PCDHGA7: variants seen among roughly 807,000 people sequenced by gnomAD.
The protein encoded by PCDHGA7 is protocadherin gamma subfamily A, 7.
In PCDHGA7, 44 loss-of-function variants were observed where a neutral mutation model predicts 58.3. That is an observed-to-expected ratio of 0.75 (90% CI 0.59 to 0.97). PCDHGA7 has a LOEUF of 0.97. Ranked by LOEUF, PCDHGA7 falls within the 50% of genes least tolerant of loss-of-function variation. The pLI is 0.00. For missense variants in PCDHGA7, 1,266 were observed against 1,188.7 expected (o/e 1.06, Z -0.96); for synonymous variants, 516 against 504.2 (o/e 1.02, Z -0.31).
Position 141,438,021 on chromosome 5 carries a change from G to T in PCDHGA7, c.2424+52698G>T, listed in dbSNP as rs112167613. ...CTCCCAAATAGCTGAGATTACAGGT[G>T]TGAGCCACCATGCCCGACCACTTTG... On this transcript the variant is annotated intron_variant, in intron 1 of 3. Transcript: ENST00000518325. Among the ~76,000 whole-genome samples the T allele has an allele frequency of 1.6e-3, 250 of 152,256 alleles. 2 individuals are homozygous for T. Among genetic ancestry groups the T allele is most frequent in the African/African-American group, 5.3e-3 (221 of 41,544 alleles).
chr5:141,421,031 T>A, intron 1 of PCDHGA7: 1 of 529,760 alleles, frequency 1.9e-6, no homozygotes, highest in Non-Finnish European at 3.3e-6. Context: ...CGCCATTGAG[T>A]CCCTCCCTCC....
At chr5:141,402,910 G>A in intron 1 of PCDHGA7, 2 of 1,549,722 alleles carry the variant, frequency 1.3e-6, no homozygotes, top group Non-Finnish European at 1.7e-6. Context: ...ATGAAGCAGC[G>A]CGCACAGAGA....
At chr5:141,423,463 G>T (rs772779471) in intron 1 of PCDHGA7, 22 of 1,613,992 alleles carry the variant, frequency 1.4e-5, no homozygotes, top group Non-Finnish European at 1.8e-5. Context: ...AGGCGTGGAC[G>T]GGGTACAGGC....
At chr5:141,389,061 T>C in intron 1 of PCDHGA7, 1 of 1,614,022 alleles carries the variant, frequency 6.2e-7, no homozygotes, top group Non-Finnish European at 8.5e-7. Context: ...ATTTAAAATA[T>C]TAACTTCTTC....
chr5:141,486,444 T>G lies in PCDHGA7; in HGVS notation c.2425-8363T>G. 1 of 1,614,086 alleles carries G rather than the reference T, an allele frequency of 6.2e-7. No homozygotes were observed. Among genetic ancestry groups the G allele is most frequent in the Non-Finnish European group, 8.5e-7 (1 of 1,179,930 alleles). ...GAGGCCAAATCTAGCTATGACATCA[T>G]GGTCACTGCTTCTGATGCTGGGAAC... On this transcript the variant is annotated intron_variant, in intron 1 of 3. Coordinates refer to ENST00000518325, the MANE Select transcript of PCDHGA7 (RefSeq NM_018920.4). The surrounding 1 kb of genome is among the most constrained non-coding windows in gnomAD (Gnocchi z 5.0).
intron 1 of PCDHGA7, among the ~76,000 whole-genome samples, chr5:141,449,041 C>T (rs998143732): frequency 3.3e-5 from 5 of 152,126 alleles, no homozygotes; most frequent in Admixed American, 3.3e-4. Flanking sequence ...GATTATTAAC[C>T]AGTCTCATAA....
Position 141,418,384 on chromosome 5 carries a change from C to T in PCDHGA7, c.2424+33061C>T, listed in dbSNP as rs774636792. 5 of 1,613,982 alleles carry T rather than the reference C, an allele frequency of 3.1e-6. No homozygotes were observed. In the South Asian group the frequency reaches 4.4e-5, roughly 14 times the overall value. ...TGAGCAAATACCAACTAAGTCCTAA[C>T]GAGTATTTCTCATTGGTGGAGAAAG... is the stretch of plus-strand genomic sequence containing the variant. On this transcript the variant is annotated intron_variant, in intron 1 of 3. Coordinates refer to ENST00000518325, the MANE Select transcript of PCDHGA7 (RefSeq NM_018920.4).
chr5:141,398,914 C>G, intron 1 of PCDHGA7: 1 of 1,613,964 alleles, frequency 6.2e-7, no homozygotes, highest in Non-Finnish European at 8.5e-7. Flanking sequence ...CACTGTGTTG[C>G]AAGTGTCAGC....
intron 1 of PCDHGA7, among the ~76,000 whole-genome samples, chr5:141,458,869 A>G (rs2154566384): frequency 6.6e-6 from 1 of 152,264 alleles, no homozygotes; most frequent in East Asian, 1.9e-4. Context: ...AGTAGCTGGG[A>G]CTACAGGCAT....
At position 141,420,340 on chromosome 5, in the gene PCDHGA7, G is replaced by A. The variant is rs1405507680; in HGVS notation, c.2424+35017G>A. ...ATATGCCAATATATTCCAATATAGT[G>A]GTATTATTTTAAGATTCTAGATAAC... On this transcript the variant is annotated intron_variant, in intron 1 of 3. Transcript: ENST00000518325. The A allele has an allele frequency of 2.9e-6, 4 of 1,387,388 alleles. No homozygotes were observed. In the African/African-American group the frequency reaches 4.4e-5, roughly 15 times the overall value. 85.9% of individuals were successfully genotyped at this position (1,387,388 alleles called of 1,614,324 possible). A position where few individuals can be genotyped will look rare whatever the true frequency, so the allele number is the denominator to read the frequency against.
chr5:141,400,650 C>T, intron 1 of PCDHGA7: 13 of 1,174,166 alleles, frequency 1.1e-5, no homozygotes, highest in Non-Finnish European at 1.6e-5. Context: ...AGAAAGCTGT[C>T]CTACCATTCT....
chr5:141,385,388 G>A (rs757763221), intron 1 of PCDHGA7, 65 bp downstream of exon 1: 1 of 1,507,708 alleles, frequency 6.6e-7, no homozygotes, highest in Non-Finnish European at 8.8e-7. Context: ...CTATTATTTT[G>A]CAAAACAAAT....
chr5:141,400,343 A>G, intron 1 of PCDHGA7: 1 of 1,614,026 alleles, frequency 6.2e-7, no homozygotes, highest in South Asian at 1.1e-5. Context: ...CCCCCCAACT[A>G]CAGTCAGGGG....
At chr5:141,414,102 A>G in intron 1 of PCDHGA7, 1 of 1,593,854 alleles carries the variant, frequency 6.3e-7, no homozygotes, top group Non-Finnish European at 8.5e-7. Context: ...AAATATCAGA[A>G]AATCTAGATT....
intron 1 of PCDHGA7, among the ~76,000 whole-genome samples, chr5:141,451,090 A>G (rs2098706546): frequency 6.6e-6 from 1 of 151,864 alleles, no homozygotes; most frequent in Non-Finnish European, 1.5e-5. Context: ...GACCTCCCAA[A>G]GTGTTGGGAT....
At chr5:141,419,204 GC>G (rs2096344015) in intron 1 of PCDHGA7, 9 of 1,613,916 alleles carry the variant, frequency 5.6e-6, no homozygotes, top group Non-Finnish European at 7.6e-6. Context: ...CAATGACAAC[GC>G]GCCGGTTTTC....
intron 1 of PCDHGA7, chr5:141,399,895 G>A (rs570331620): frequency 6.2e-7 from 1 of 1,612,586 alleles, no homozygotes; most frequent in African/African-American, 1.3e-5. Flanking sequence ...GGTAGTGGCC[G>A]TGGACGCAGA....
intron 1 of PCDHGA7, among the ~76,000 whole-genome samples, chr5:141,472,409 C>T (rs2099279484): frequency 6.6e-6 from 1 of 152,016 alleles, no homozygotes; most frequent in South Asian, 2.1e-4. Flanking sequence ...GGCGTGGTGG[C>T]ACGCACCTGT....
chr5:141,445,416 T>C lies in PCDHGA7; in HGVS notation c.2425-49391T>C, dbSNP rs190826518. ...TAACAAATATTTATTAACTGTCTGC[T>C]ATATGCAAGGCACTGACCTATGGAC... On this transcript the variant is annotated intron_variant, in intron 1 of 3. Coordinates refer to ENST00000518325, the MANE Select transcript of PCDHGA7 (RefSeq NM_018920.4). 2.2e-3 allele frequency among the ~76,000 whole-genome samples: 336 copies of C among 152,342 alleles called. 1 individual carries two copies. The highest frequency in any genetic ancestry group is 0.01 in the Middle Eastern group (3 of 294).
Sources: gnomAD v4.1 joint callset for allele counts (sites outside exome capture counted in the v4.1 genomes callset) on GRCh38, gnomAD v4.1.1 for gene constraint, Gnocchi (gnomAD v3.1) non-coding constraint, MANE v1.5 for transcripts, NCBI Gene and HGNC (gene_info 2026-07-23, HGNC 2026-07-21) for gene names.